Variants in DTD1 observed in about 807,000 individuals in gnomAD.
The protein encoded by DTD1 is D-aminoacyl-tRNA deacylase 1.
Under a neutral mutation model 25.6 loss-of-function variants are expected in DTD1, and 13 were observed. The observed-to-expected ratio is 0.51, with a 90% CI of 0.33 to 0.81. The LOEUF (loss-of-function observed/expected upper bound fraction) is 0.81. Ranked by LOEUF, DTD1 falls within the 30% of genes least tolerant of loss-of-function variation. DTD1 has a pLI of 0.02. For missense variants in DTD1, 193 were observed against 266.4 expected (o/e 0.72, Z 1.92); for synonymous variants, 110 against 103.6 (o/e 1.06, Z -0.37).
chr20:18,616,159 C>T (rs1046710623), intron 3 of DTD1, among the ~76,000 whole-genome samples: 3 of 152,160 alleles, frequency 2.0e-5, no homozygotes, highest in African/African-American at 7.2e-5. Flanking sequence ...CAGGCTGTTG[C>T]TCTTGTGTAA....
At chr20:18,647,653 G>A (rs989604039) in intron 4 of DTD1, among the ~76,000 whole-genome samples, 7 of 152,128 alleles carry the variant, frequency 4.6e-5, no homozygotes, top group African/African-American at 1.7e-4. Flanking sequence ...TGGGGAGGAT[G>A]ATGAGGATGG....
chr20:18,758,423 C>G (rs1600226604), intron 5 of DTD1, among the ~76,000 whole-genome samples: 1 of 151,946 alleles, frequency 6.6e-6, no homozygotes, highest in East Asian at 1.9e-4. Context: ...GTATAAATTT[C>G]CCTCTACACA....
At chr20:18,743,296 C>G (rs528829307) in intron 4 of DTD1, among the ~76,000 whole-genome samples, 3 of 152,344 alleles carry the variant, frequency 2.0e-5, no homozygotes, top group South Asian at 2.1e-4. Context: ...CCTTCAGTCT[C>G]AAATCAACTG....
intron 4 of DTD1, among the ~76,000 whole-genome samples, chr20:18,684,979 G>A (rs1395690154): frequency 6.6e-6 from 1 of 151,490 alleles, no homozygotes; most frequent in Non-Finnish European, 1.5e-5. Context: ...ATAGTTCACT[G>A]TAAACTCAAA....
chr20:18,647,550 G>A (rs2060855012), intron 4 of DTD1, among the ~76,000 whole-genome samples: 1 of 152,122 alleles, frequency 6.6e-6, no homozygotes, highest in Admixed American at 6.6e-5. Context: ...GGCAAGGGTG[G>A]TGCATGCCCA....
chr20:18,651,441 G>A (rs998837631), intron 4 of DTD1, among the ~76,000 whole-genome samples: 4 of 152,224 alleles, frequency 2.6e-5, no homozygotes, highest in African/African-American at 4.8e-5. Context: ...GTGAGCCACC[G>A]CTCCCAGCCA....
chr20:18,706,272 A>G (rs1025010162), intron 4 of DTD1, among the ~76,000 whole-genome samples: 2 of 152,182 alleles, frequency 1.3e-5, no homozygotes, highest in Admixed American at 6.5e-5. Context: ...CCCTGTGTTC[A>G]TGGTACCAGA....
chr20:18,710,364 A>G (rs1473271066), intron 4 of DTD1, among the ~76,000 whole-genome samples: 1 of 148,016 alleles, frequency 6.8e-6, no homozygotes, highest in Non-Finnish European at 1.5e-5. Context: ...GAATCTTTCA[A>G]ACATATTCTG....
chr20:18,746,650 G>A (rs761634230), intron 5 of DTD1, among the ~76,000 whole-genome samples: 8 of 152,174 alleles, frequency 5.3e-5, no homozygotes, highest in Non-Finnish European at 1.0e-4. Flanking sequence ...AGCCATGATT[G>A]CAGCACTGCA....
At chr20:18,660,188 C>T (rs2122370077) in intron 4 of DTD1, among the ~76,000 whole-genome samples, 1 of 152,228 alleles carries the variant, frequency 6.6e-6, no homozygotes, top group Admixed American at 6.5e-5. Flanking sequence ...GCCTGGGAGC[C>T]AGAGCGAGAC....
intron 5 of DTD1, among the ~76,000 whole-genome samples, chr20:18,748,956 C>T (rs1282620627): frequency 6.6e-6 from 1 of 152,128 alleles, no homozygotes; most frequent in Non-Finnish European, 1.5e-5. Context: ...CCTTCCCCTT[C>T]CCTATAAGTC....
chr20:18,716,874 A>G (rs1305296910), intron 4 of DTD1, among the ~76,000 whole-genome samples: 1 of 152,240 alleles, frequency 6.6e-6, no homozygotes, highest in African/African-American at 2.4e-5. Context: ...GCACAGCTGC[A>G]ACAATGGCTT....
At chr20:18,607,484 G>A (rs912631717) in intron 3 of DTD1, among the ~76,000 whole-genome samples, 2 of 152,014 alleles carry the variant, frequency 1.3e-5, no homozygotes, top group African/African-American at 4.8e-5. Flanking sequence ...TCTGGTTTCG[G>A]TATTAGGGTA....
chr20:18,651,367 T>G (rs1407051458), intron 4 of DTD1, among the ~76,000 whole-genome samples: 1 of 152,194 alleles, frequency 6.6e-6, no homozygotes, highest in African/African-American at 2.4e-5. Flanking sequence ...GGCAGGCTGG[T>G]CTTGAACTCC....
chr20:18,753,034 A>G (rs6075416), intron 5 of DTD1, among the ~76,000 whole-genome samples: 127,896 of 152,204 alleles, frequency 0.84, 54,634 homozygotes, highest in Non-Finnish European at 0.93. Context: ...TAGTGATTCC[A>G]TCTATTGCTA....
chr20:18,651,206 C>T (rs2060872798), intron 4 of DTD1, among the ~76,000 whole-genome samples: 1 of 152,208 alleles, frequency 6.6e-6, no homozygotes, highest in Admixed American at 6.5e-5. Flanking sequence ...GGCTAGAGTA[C>T]AGTGGTGTGA....
At chr20:18,759,695 A>G (rs868621539) in intron 5 of DTD1, among the ~76,000 whole-genome samples, 1 of 152,154 alleles carries the variant, frequency 6.6e-6, no homozygotes, top group Non-Finnish European at 1.5e-5. Flanking sequence ...ACTTTGGTGA[A>G]TCTGACAATT....
At chr20:18,757,182 G>C (rs547040309) in intron 5 of DTD1, among the ~76,000 whole-genome samples, 2 of 152,270 alleles carry the variant, frequency 1.3e-5, no homozygotes, top group South Asian at 4.1e-4. Context: ...TGACATGATG[G>C]GGTTTTCTAG....
At chr20:18,671,110 A>G (rs1229799356) in intron 4 of DTD1, among the ~76,000 whole-genome samples, 1 of 152,190 alleles carries the variant, frequency 6.6e-6, no homozygotes, top group African/African-American at 2.4e-5. Context: ...TCTGTTGCTT[A>G]GTAGAATCAA....
Sources: gnomAD v4.1 joint callset for allele counts (sites outside exome capture counted in the v4.1 genomes callset) on GRCh38, gnomAD v4.1.1 for gene constraint, MANE v1.5 for transcripts, NCBI Gene and HGNC (gene_info 2026-07-23, HGNC 2026-07-21) for gene names.